Variants in MALRD1 observed in about 807,000 individuals in gnomAD.
MALRD1 encodes MAM and LDL-receptor class A domain-containing protein 1.
MALRD1 carries 247 observed loss-of-function variants against 242.1 expected under a neutral mutation model. That is an observed-to-expected ratio of 1.02 (90% CI 0.92 to 1.13). MALRD1 has a LOEUF of 1.13. Among genes scored for constraint, MALRD1 ranks in the 50% most tolerant of loss-of-function variants. The pLI is 0.00. For missense variants in MALRD1, 2,989 were observed against 2,533.1 expected (o/e 1.18, Z -3.86); for synonymous variants, 995 against 866.6 (o/e 1.15, Z -2.60).
rs200678534 is a variant in MALRD1, at chr10:19,324,608, T to TA, written c.3576+503_3576+504insA. On this transcript the variant is annotated intron_variant, in intron 22 of 39. Transcript: ENST00000454679. ...TTCACTCAGAGATCTTATTTTTTTT[T>TA]TAAAAAAAAACGAGTTGTCCTGGTA... Among the ~76,000 whole-genome samples the TA allele has an allele frequency of 5.6e-3, 843 of 150,350 alleles. 8 individuals are homozygous for TA. Among genetic ancestry groups the TA allele is most frequent in the South Asian group, 0.015 (72 of 4,786 alleles).
chr10:19,122,249 G>A (rs1837090708), intron 5 of MALRD1, among the ~76,000 whole-genome samples: 1 of 152,184 alleles, frequency 6.6e-6, no homozygotes, highest in African/African-American at 2.4e-5. Context: ...AATATTGTTA[G>A]AGTAGAGATA....
intron 36 of MALRD1, among the ~76,000 whole-genome samples, chr10:19,647,146 G>C (rs116903802): frequency 1.3e-5 from 2 of 152,174 alleles, no homozygotes; most frequent in Non-Finnish European, 2.9e-5. Context: ...GCTTGAAGCA[G>C]CTCCTTGCAA....
chr10:19,592,769 A>ACACG (rs1554808933), intron 33 of MALRD1, among the ~76,000 whole-genome samples: 2 of 148,000 alleles, frequency 1.4e-5, no homozygotes, highest in African/African-American at 5.1e-5. Context: ...ACACGCACGC[A>ACACG]CACACACACA....
chr10:19,567,839 A>G, intron 33 of MALRD1, 136 bp downstream of exon 33: 3 of 787,042 alleles, frequency 3.8e-6, no homozygotes, highest in Non-Finnish European at 4.0e-6. Context: ...AGTCACATAT[A>G]CTAAGAAGTA....
Position 19,387,570 on chromosome 10 carries a change from G to A in MALRD1, c.4484G>A (p.Cys1495Tyr), listed in dbSNP as rs1846137591. 3 of 1,550,436 alleles carry A rather than the reference G, an allele frequency of 1.9e-6. No individual in the cohort carries two copies. Among genetic ancestry groups the A allele is most frequent in the Non-Finnish European group, 2.6e-6 (3 of 1,146,866 alleles). ...TATAGGGAATGTCATAATGGAAAAT[G>A]CTATAGGCTGGAACAAAGCTGTAAC... ...LGYRECHNGK[C>Y]YRLEQSCNFV... The change falls in exon 27 of 40, where the codon TGC (cysteine) becomes TAC (tyrosine). Residue 1495 changes from cysteine to tyrosine, a missense_variant. Coordinates refer to ENST00000454679, the MANE Select transcript of MALRD1 (RefSeq NM_001142308.3).
intron 21 of MALRD1, among the ~76,000 whole-genome samples, chr10:19,315,762 A>G (rs1050418633): frequency 1.4e-5 from 2 of 140,896 alleles, no homozygotes; most frequent in Non-Finnish European, 3.0e-5. Context: ...TATGTAATAT[A>G]TATGTATATA....
intron 28 of MALRD1, among the ~76,000 whole-genome samples, chr10:19,443,865 C>G (rs1834808852): frequency 1.3e-5 from 2 of 152,164 alleles, no homozygotes; most frequent in African/African-American, 4.8e-5. Flanking sequence ...AGTTCAAGTC[C>G]TGGATATCCT....
At chr10:19,244,182 T>A (rs1838933977) in intron 18 of MALRD1, among the ~76,000 whole-genome samples, 2 of 152,150 alleles carry the variant, frequency 1.3e-5, no homozygotes, top group South Asian at 2.1e-4. Context: ...GTTGTTTACA[T>A]GTATGATTTA....
chr10:19,218,250 A>T (rs1379200657), intron 18 of MALRD1, among the ~76,000 whole-genome samples: 1 of 152,122 alleles, frequency 6.6e-6, no homozygotes, highest in Non-Finnish European at 1.5e-5. Context: ...TGTTTTACTT[A>T]AAGTTATTCA....
chr10:19,218,609 T>C (rs1448821432), intron 18 of MALRD1, among the ~76,000 whole-genome samples: 2 of 152,116 alleles, frequency 1.3e-5, no homozygotes, highest in African/African-American at 4.8e-5. Flanking sequence ...ATTAGAAAAT[T>C]TATAAGCAGA....
chr10:19,214,744 C>T (rs12569779), intron 18 of MALRD1, among the ~76,000 whole-genome samples: 4,211 of 152,228 alleles, frequency 0.028, 172 homozygotes, highest in East Asian at 0.18. Context: ...CCTTTCCACA[C>T]TTGTTGAGAT....
chr10:19,241,951 T>G (rs1193846530), intron 18 of MALRD1, among the ~76,000 whole-genome samples: 1 of 152,190 alleles, frequency 6.6e-6, no homozygotes, highest in Non-Finnish European at 1.5e-5. Context: ...CTTAAGTTTG[T>G]TAAGACTTAT....
At chr10:19,667,958 A>G (rs1841749508) in intron 36 of MALRD1, among the ~76,000 whole-genome samples, 1 of 152,008 alleles carries the variant, frequency 6.6e-6, no homozygotes, top group Non-Finnish European at 1.5e-5. Flanking sequence ...TGGTTCATAG[A>G]TGGTGCCTTT....
chr10:19,277,134 C>A (rs61278847), intron 19 of MALRD1, among the ~76,000 whole-genome samples: 6,627 of 152,098 alleles, frequency 0.044, 176 homozygotes, highest in Middle Eastern at 0.075. Context: ...CCATGTTGCC[C>A]AGGCTAGTCT....
intron 14 of MALRD1, among the ~76,000 whole-genome samples, chr10:19,192,794 C>G (rs1836051283): frequency 6.6e-6 from 1 of 152,176 alleles, no homozygotes; most frequent in Admixed American, 6.6e-5. Context: ...AACAAATGCC[C>G]TGGGTATCAA....
chr10:19,481,933 T>C (rs1003507228), intron 29 of MALRD1, among the ~76,000 whole-genome samples: 1 of 152,110 alleles, frequency 6.6e-6, no homozygotes, highest in Non-Finnish European at 1.5e-5. Context: ...TTTTCATCAC[T>C]GGATCATAAA....
At chr10:19,677,276 C>T (rs1842175863) in intron 36 of MALRD1, among the ~76,000 whole-genome samples, 1 of 152,134 alleles carries the variant, frequency 6.6e-6, no homozygotes, top group African/African-American at 2.4e-5. Flanking sequence ...ATTTACATTC[C>T]CACCAGCAGT....
chr10:19,286,173 T>C (rs571508126), intron 21 of MALRD1, among the ~76,000 whole-genome samples: 2,251 of 145,586 alleles, frequency 0.015, 54 homozygotes, highest in African/African-American at 0.054. Flanking sequence ...TGGGGTTTTC[T>C]AGATAAACAA....
intron 18 of MALRD1, among the ~76,000 whole-genome samples, chr10:19,228,954 A>T (rs1216553452): frequency 2.0e-5 from 3 of 149,442 alleles, no homozygotes; most frequent in Non-Finnish European, 4.4e-5. Context: ...GCCCCCCCAA[A>T]AAAAGGCCTG....
Sources: allele counts gnomAD v4.1 joint callset (sites outside exome capture counted in the v4.1 genomes callset), GRCh38; gene constraint gnomAD v4.1.1; transcripts MANE v1.5; gene names NCBI Gene and HGNC (gene_info 2026-07-23, HGNC 2026-07-21).